TTC39C: variants seen among roughly 807,000 people sequenced by gnomAD.
TTC39C encodes tetratricopeptide repeat protein 39C.
Under a neutral mutation model 76.3 loss-of-function variants are expected in TTC39C, and 33 were observed. The observed-to-expected ratio is 0.43, with a 90% CI of 0.33 to 0.58. TTC39C has a LOEUF of 0.58. Among genes scored for constraint, TTC39C ranks in the 20% least tolerant of loss-of-function variants. The pLI is 0.04. For missense variants in TTC39C, 595 were observed against 701.4 expected, an observed-to-expected ratio of 0.85 and a Z score of 1.71; for synonymous variants, 254 against 260.6, an observed-to-expected ratio of 0.97 and a Z score of 0.24.
intron 6 of TTC39C, among the ~76,000 whole-genome samples, chr18:24,092,506 A>T (rs567841432): frequency 2.8e-4 from 42 of 152,364 alleles, no homozygotes; most frequent in African/African-American, 1.0e-3. Context: ...ATGAATGGAT[A>T]AACAACATGT....
rs147496276 is a variant in TTC39C, at chr18:24,018,234, G to A, written c.167+3196G>A. Among the ~76,000 whole-genome samples the A allele has an allele frequency of 1.5e-3, 228 of 152,290 alleles. 1 individual carries two copies. The highest frequency in any genetic ancestry group is 5.3e-3 in the African/African-American group (219 of 41,552). On this transcript the variant is annotated intron_variant, in intron 1 of 13. Coordinates refer to ENST00000317571, the MANE Select transcript of TTC39C (RefSeq NM_001135993.2). ...TGCACTTTGAGGTGTTTTCCCAAAGGTTAGGATAGATTTGTCCTGCTGGAG... is the reference window on the plus strand; with the variant it reads ...TGCACTTTGAGGTGTTTTCCCAAAGATTAGGATAGATTTGTCCTGCTGGAG...
intron 10 of TTC39C, 66 bp from the exon 11 acceptor site, chr18:24,128,820 C>T: frequency 7.7e-7 from 1 of 1,298,084 alleles, no homozygotes. Flanking sequence ...CCTCACTCTT[C>T]ATGATATTGA....
intron 6 of TTC39C, among the ~76,000 whole-genome samples, chr18:24,093,339 C>T (rs916921140): frequency 1.3e-5 from 2 of 151,942 alleles, no homozygotes; most frequent in South Asian, 2.1e-4. Context: ...ACTAGCTGGG[C>T]GTGGTGGCGG....
At chr18:24,057,348 G>A (rs1004364753) in intron 1 of TTC39C, among the ~76,000 whole-genome samples, 2 of 151,866 alleles carry the variant, frequency 1.3e-5, no homozygotes, top group Admixed American at 6.6e-5. Flanking sequence ...TTTTCTCTTT[G>A]TCATAAGGAA....
intron 1 of TTC39C, among the ~76,000 whole-genome samples, chr18:24,063,731 C>T (rs1307429370): frequency 6.6e-6 from 1 of 152,080 alleles, no homozygotes; most frequent in Non-Finnish European, 1.5e-5. Context: ...CTAGGCTGGT[C>T]TCCAACTGCT....
upstream of TTC39C, among the ~76,000 whole-genome samples, chr18:24,014,020 A>G (rs548478948): frequency 6.6e-6 from 1 of 152,356 alleles, no homozygotes; most frequent in South Asian, 2.1e-4. Flanking sequence ...CACTGCGCAA[A>G]TGTTGGTGGC....
intron 1 of TTC39C, among the ~76,000 whole-genome samples, chr18:24,040,476 G>A (rs2145689865): frequency 6.6e-6 from 1 of 152,184 alleles, no homozygotes; most frequent in South Asian, 2.1e-4. Context: ...TCTTTTCAAA[G>A]CATTTATTTA....
At chr18:24,126,995 A>C (rs2085059061) in intron 10 of TTC39C, among the ~76,000 whole-genome samples, 1 of 152,264 alleles carries the variant, frequency 6.6e-6, no homozygotes, top group South Asian at 2.1e-4. Flanking sequence ...TAAGGTAGGC[A>C]GTAATTAACA....
At chr18:24,045,928 T>TATATATATATATATATA (rs1251153059) in intron 1 of TTC39C, among the ~76,000 whole-genome samples, 8 of 22,916 alleles carry the variant, frequency 3.5e-4, no homozygotes, top group African/African-American at 1.1e-3. Context: ...TATATATATA[T>TATATATATATATATATA]TTTTTTTTTT....
chr18:24,025,846 G>T (rs2083593502), intron 1 of TTC39C, among the ~76,000 whole-genome samples: 1 of 152,216 alleles, frequency 6.6e-6, no homozygotes, highest in South Asian at 2.1e-4. Context: ...GGGGCTGTAG[G>T]AAGGGAAGAG....
intron 6 of TTC39C, among the ~76,000 whole-genome samples, chr18:24,102,971 G>A (rs555476981): frequency 1.3e-5 from 2 of 152,112 alleles, no homozygotes; most frequent in Admixed American, 1.3e-4. Flanking sequence ...GCCAGGTGTG[G>A]TGTGCACATA....
chr18:24,131,868 T>G lies in TTC39C; in HGVS notation c.1624-14T>G, dbSNP rs770413705. On this transcript the variant is annotated splice_polypyrimidine_tract_variant and intron_variant, in intron 12 of 13. Transcript: ENST00000317571. ...TAAACACAGATTTTATGGGATAATG[T>G]GTTTTTCTTATAGACTGTAGGAAGA... 1 of 1,609,194 alleles carries G rather than the reference T, an allele frequency of 6.2e-7. No individual in the cohort carries two copies. The highest frequency in any genetic ancestry group is 8.5e-7 in the Non-Finnish European group (1 of 1,178,456).
intron 5 of TTC39C, among the ~76,000 whole-genome samples, chr18:24,081,217 A>G (rs1259662640): frequency 6.6e-6 from 1 of 152,158 alleles, no homozygotes; most frequent in Non-Finnish European, 1.5e-5. Context: ...TGTGACTTTG[A>G]CCACATTCTC....
At chr18:24,073,611 G>T (rs1441123668) in intron 4 of TTC39C, among the ~76,000 whole-genome samples, 3 of 151,902 alleles carry the variant, frequency 2.0e-5, no homozygotes, top group Non-Finnish European at 2.9e-5. Context: ...GAGGTCCCAG[G>T]TTCAAGTGAT....
intron 1 of TTC39C, among the ~76,000 whole-genome samples, chr18:24,024,529 C>G (rs1472186676): frequency 6.6e-6 from 1 of 152,136 alleles, no homozygotes; most frequent in East Asian, 1.9e-4. Context: ...GGAAATAACC[C>G]TAACCTGCCA....
At position 24,117,820 on chromosome 18, in the gene TTC39C, G is replaced by A. The variant is rs774888140; in HGVS notation, c.1079-305G>A. Among the ~76,000 whole-genome samples, 3 of 152,228 alleles carry A rather than the reference G, an allele frequency of 2.0e-5. No homozygotes were observed. In the South Asian group the frequency reaches 6.2e-4, roughly 32 times the overall value. ...TGTACTCTTGGAGAAGTACTGCTGT[G>A]CTTGGGTTAGCCTCACGACTGTTAG... On this transcript the variant is annotated intron_variant, in intron 7 of 13. Coordinates refer to ENST00000317571, the MANE Select transcript of TTC39C (RefSeq NM_001135993.2).
At chr18:24,064,070 A>G in intron 1 of TTC39C, 70 bp from the exon 2 acceptor site, 6 of 1,596,846 alleles carry the variant, frequency 3.8e-6, no homozygotes, top group South Asian at 1.1e-5. Flanking sequence ...GATATGTCAA[A>G]TGCTTTTAAA....
At chr18:24,081,524 G>C (rs945216411) in intron 5 of TTC39C, among the ~76,000 whole-genome samples, 1 of 152,044 alleles carries the variant, frequency 6.6e-6, no homozygotes, top group Non-Finnish European at 1.5e-5. Flanking sequence ...AAAGTGATGT[G>C]TTTTTTGTTT....
At chr18:24,004,657 T>C (rs2083338321) in intron 1 of TTC39C, among the ~76,000 whole-genome samples, 1 of 152,218 alleles carries the variant, frequency 6.6e-6, no homozygotes, top group Non-Finnish European at 1.5e-5. Context: ...AAGGTTAAAA[T>C]ATGCACCTTT....
Sources: allele counts gnomAD v4.1 joint callset (sites outside exome capture counted in the v4.1 genomes callset), GRCh38; gene constraint gnomAD v4.1.1; transcripts MANE v1.5; gene names NCBI Gene and HGNC (gene_info 2026-07-23, HGNC 2026-07-21).